FCHSD2: variants seen among roughly 807,000 people sequenced by gnomAD.
FCHSD2 encodes F-BAR and double SH3 domains protein 2.
FCHSD2 carries 38 observed loss-of-function variants against 108.1 expected under a neutral mutation model. That is an observed-to-expected ratio of 0.35 (90% CI 0.27 to 0.46). The LOEUF (loss-of-function observed/expected upper bound fraction) is 0.46. Ranked by LOEUF, FCHSD2 falls within the 20% of genes least tolerant of loss-of-function variation. The probability of loss-of-function intolerance (pLI) is 1.00; values close to 1 mark genes in which losing one functional copy is unlikely to be tolerated. For missense variants in FCHSD2, 751 were observed against 897.8 expected, an observed-to-expected ratio of 0.84 and a Z score of 2.09; for synonymous variants, 279 against 314.7, an observed-to-expected ratio of 0.89 and a Z score of 1.20.
At chr11:72,863,316 C>CT (rs1039901751) in intron 13 of FCHSD2, among the ~76,000 whole-genome samples, 2 of 152,124 alleles carry the variant, frequency 1.3e-5, no homozygotes, top group African/African-American at 4.8e-5. Flanking sequence ...ACAAAGAACT[C>CT]TGACTTATTC....
At chr11:73,004,137 G>C (rs74622394) in intron 4 of FCHSD2, among the ~76,000 whole-genome samples, 3 of 122,504 alleles carry the variant, frequency 2.4e-5, no homozygotes, top group African/African-American at 9.2e-5. Context: ...AAAAAAAAAA[G>C]GATATCAAGC....
At chr11:73,074,590 T>TA (rs1214938698) in intron 3 of FCHSD2, among the ~76,000 whole-genome samples, 1 of 151,940 alleles carries the variant, frequency 6.6e-6, no homozygotes, top group African/African-American at 2.4e-5. Context: ...GCACTGAATA[T>TA]AAAAGAAAAA....
chr11:73,046,101 T>C (rs570782310), intron 3 of FCHSD2, among the ~76,000 whole-genome samples: 1 of 151,842 alleles, frequency 6.6e-6, no homozygotes, highest in South Asian at 2.1e-4. Flanking sequence ...AGGGATACTG[T>C]GGCCTCAGCC....
chr11:73,045,218 A>G (rs1353568103), intron 3 of FCHSD2, among the ~76,000 whole-genome samples: 2 of 152,076 alleles, frequency 1.3e-5, no homozygotes, highest in African/African-American at 4.8e-5. Flanking sequence ...CCACAATGAG[A>G]TACCATCTCA....
intron 14 of FCHSD2, among the ~76,000 whole-genome samples, chr11:72,846,714 A>C (rs930945768): frequency 1.3e-5 from 2 of 152,236 alleles, no homozygotes; most frequent in African/African-American, 4.8e-5. Flanking sequence ...TTCCACCAGT[A>C]TCTCTCCAAA....
At chr11:72,878,038 A>G (rs755810879) in intron 12 of FCHSD2, among the ~76,000 whole-genome samples, 19 of 152,170 alleles carry the variant, frequency 1.2e-4, no homozygotes, top group Non-Finnish European at 2.5e-4. Flanking sequence ...ATATTAGATA[A>G]TATGATTAGG....
intron 2 of FCHSD2, among the ~76,000 whole-genome samples, chr11:73,118,224 C>A (rs569620162): frequency 3.3e-5 from 5 of 152,246 alleles, no homozygotes; most frequent in Non-Finnish European, 7.4e-5. Context: ...GAGGCTGAGG[C>A]AGGAAAATTG....
intron 2 of FCHSD2, among the ~76,000 whole-genome samples, chr11:73,111,103 T>C (rs982439384): frequency 1.3e-5 from 2 of 152,208 alleles, no homozygotes; most frequent in African/African-American, 4.8e-5. Flanking sequence ...ATATGGTCTA[T>C]GCTTGAGAAT....
rs748352981 is a variant in FCHSD2, at chr11:72,902,676, G to T, written c.829-38C>A. On this transcript the variant is annotated intron_variant, in intron 9 of 19. Transcript: ENST00000409418. ...TAAAATATCTTTAGGTCTTTAATGA[G>T]GTTAAAATGTCCAATTACATTATAA... 3 of 1,244,870 alleles carry T rather than the reference G, an allele frequency of 2.4e-6. No individual in the cohort carries two copies. In the South Asian group the frequency reaches 4.0e-5, roughly 17 times the overall value. 77.1% of individuals were successfully genotyped at this position (1,244,870 alleles called of 1,614,324 possible). A position where few individuals can be genotyped will look rare whatever the true frequency, so the allele number is the denominator to read the frequency against.
chr11:73,108,792 C>G (rs540581669), intron 2 of FCHSD2, among the ~76,000 whole-genome samples: 70 of 152,028 alleles, frequency 4.6e-4, no homozygotes, highest in African/African-American at 1.7e-3. Flanking sequence ...AGGATGGTCT[C>G]GATCTCCTGA....
chr11:73,078,168 C>T (rs1042417176), intron 3 of FCHSD2, among the ~76,000 whole-genome samples: 6 of 152,112 alleles, frequency 3.9e-5, no homozygotes, highest in Non-Finnish European at 8.8e-5. Flanking sequence ...ACCAAAATGT[C>T]AGTCTTTTTA....
intron 2 of FCHSD2, among the ~76,000 whole-genome samples, chr11:73,085,010 CA>C (rs1434382418): frequency 6.7e-6 from 1 of 149,706 alleles, no homozygotes; most frequent in Non-Finnish European, 1.5e-5. Context: ...GTCAAGAAAC[CA>C]AAATTCTCAT....
At chr11:73,041,734 C>T (rs1049402943) in intron 3 of FCHSD2, among the ~76,000 whole-genome samples, 3 of 151,986 alleles carry the variant, frequency 2.0e-5, no homozygotes, top group African/African-American at 7.3e-5. Flanking sequence ...TGTGCAGAAG[C>T]TTTTTAATTT....
chr11:72,949,776 T>C (rs1347076745), intron 8 of FCHSD2, among the ~76,000 whole-genome samples: 4 of 152,244 alleles, frequency 2.6e-5, no homozygotes, highest in African/African-American at 7.2e-5. Flanking sequence ...CATTCACTAG[T>C]TGATGGACAT....
rs529554223 is a variant in FCHSD2, at chr11:73,028,245, A to T, written c.166-12360T>A. On this transcript the variant is annotated intron_variant, in intron 3 of 19. Transcript: ENST00000409418. ...TGCAGGTGCTGTACCCTGCAGAGCC[A>T]CAAGGACAGAGATGCTTAAGGCCTT... is the stretch of plus-strand genomic sequence containing the variant. Among the ~76,000 whole-genome samples the T allele has an allele frequency of 9.8e-5, 15 of 152,332 alleles. No individual in the cohort carries two copies. In the East Asian group the frequency reaches 2.9e-3, roughly 29 times the overall value.
At position 73,120,583 on chromosome 11, in the gene FCHSD2, G is replaced by A. The variant is rs545748808; in HGVS notation, c.119+19448C>T. ...CGTCTCTACTAAAAATACAAAATTA[G>A]CCGGGCGTGGTGGTGCATGCCTATA... On this transcript the variant is annotated intron_variant, in intron 2 of 19. Coordinates refer to ENST00000409418, the MANE Select transcript of FCHSD2 (RefSeq NM_014824.3). 1.2e-3 allele frequency among the ~76,000 whole-genome samples: 179 copies of A among 152,110 alleles called. 1 individual carries two copies. Among genetic ancestry groups the A allele is most frequent in the African/African-American group, 4.1e-3 (172 of 41,484 alleles).
intron 2 of FCHSD2, among the ~76,000 whole-genome samples, chr11:73,095,091 A>G (rs1292497882): frequency 6.6e-6 from 1 of 152,226 alleles, no homozygotes; most frequent in Admixed American, 6.5e-5. Flanking sequence ...AGATGATGCC[A>G]AGGCCCACAA....
chr11:72,938,298 T>A (rs1856345443), intron 8 of FCHSD2, among the ~76,000 whole-genome samples: 1 of 151,658 alleles, frequency 6.6e-6, no homozygotes, highest in Non-Finnish European at 1.5e-5. Context: ...ATTCTTGAGT[T>A]TGAATTCCAA....
intron 3 of FCHSD2, among the ~76,000 whole-genome samples, chr11:73,065,233 G>A (rs573961890): frequency 7.1e-4 from 108 of 152,146 alleles, no homozygotes; most frequent in African/African-American, 2.5e-3. Flanking sequence ...AATCTATCAC[G>A]TAAACAGAAT....
Sources: gnomAD v4.1 joint callset for allele counts (sites outside exome capture counted in the v4.1 genomes callset) on GRCh38, gnomAD v4.1.1 for gene constraint, MANE v1.5 for transcripts, NCBI Gene and HGNC (gene_info 2026-07-23, HGNC 2026-07-21) for gene names.